Variants in CTNNA2 observed in about 807,000 individuals in gnomAD.
CTNNA2 encodes catenin alpha-2.
A neutral mutation model predicts 101.0 loss-of-function variants in CTNNA2; 42 were observed. The observed-to-expected ratio is 0.42, with a 90% CI of 0.32 to 0.54. The LOEUF is 0.54. Among genes scored for constraint, CTNNA2 ranks in the 20% least tolerant of loss-of-function variants. The pLI, the probability that CTNNA2 is intolerant of heterozygous loss-of-function variation, is 0.14. For missense variants in CTNNA2, 871 were observed against 1,223.1 expected, an observed-to-expected ratio of 0.71 and a Z score of 4.29; for synonymous variants, 450 against 456.4, an observed-to-expected ratio of 0.99 and a Z score of 0.18.
chr2:79,861,291 AT>A (rs1681604752), intron 4 of CTNNA2, among the ~76,000 whole-genome samples: 2 of 152,168 alleles, frequency 1.3e-5, no homozygotes, highest in Middle Eastern at 3.2e-3. Context: ...TCAAAATTTT[AT>A]TTGTGTTCTT....
intron 4 of CTNNA2, among the ~76,000 whole-genome samples, chr2:79,422,001 A>C (rs1321891717): frequency 2.0e-5 from 3 of 152,100 alleles, no homozygotes; most frequent in Non-Finnish European, 4.4e-5. Flanking sequence ...AAAAATACAA[A>C]AATTAGCCAG....
At chr2:79,887,706 T>G (rs1683988068) in intron 6 of CTNNA2, among the ~76,000 whole-genome samples, 1 of 152,178 alleles carries the variant, frequency 6.6e-6, no homozygotes, top group African/African-American at 2.4e-5. Context: ...TTTTGATACT[T>G]TTTTGAAAAG....
At chr2:80,539,765 T>C (rs1178986531) in intron 9 of CTNNA2, among the ~76,000 whole-genome samples, 1 of 152,196 alleles carries the variant, frequency 6.6e-6, no homozygotes, top group Non-Finnish European at 1.5e-5. Flanking sequence ...AGGTATTTAG[T>C]ACAATTAGAT....
At chr2:80,537,138 A>C (rs2149608032) in intron 9 of CTNNA2, among the ~76,000 whole-genome samples, 1 of 151,588 alleles carries the variant, frequency 6.6e-6, no homozygotes, top group East Asian at 2.0e-4. Context: ...ATGTGTTGTC[A>C]TTGTTCAACT....
Position 79,939,283 on chromosome 2 carries a change from A to G in CTNNA2, c.1056+29486A>G, listed in dbSNP as rs140117979. On this transcript the variant is annotated intron_variant, in intron 7 of 18. Coordinates refer to ENST00000402739, the MANE Select transcript of CTNNA2 (RefSeq NM_001282597.3). Reference sequence around the variant, plus strand: ...AAGTAGCTTGTAGCATCTGACTCCAAATTGAGACTTGTGACTTTTTAGACT... The same window carrying G: ...AAGTAGCTTGTAGCATCTGACTCCAGATTGAGACTTGTGACTTTTTAGACT... 9.9e-5 allele frequency among the ~76,000 whole-genome samples: 15 copies of G among 152,266 alleles called. No homozygotes were observed. In the East Asian group the frequency reaches 2.9e-3, roughly 29 times the overall value.
chr2:80,312,618 C>T (rs375035750), intron 7 of CTNNA2, among the ~76,000 whole-genome samples: 4 of 152,204 alleles, frequency 2.6e-5, no homozygotes, highest in South Asian at 4.1e-4. Flanking sequence ...AACCTACTGA[C>T]GTACTGATTT....
chr2:80,490,893 A>G (rs545722237), intron 9 of CTNNA2, among the ~76,000 whole-genome samples: 6 of 152,274 alleles, frequency 3.9e-5, no homozygotes, highest in African/African-American at 7.2e-5. Context: ...TGCAGATGCC[A>G]TCTTTTCGTA....
In CTNNA2 at chr2:79,335,977, C is replaced by T. The variant is rs893059965; in HGVS notation, c.-318+23181C>T. On this transcript the variant is annotated intron_variant, in intron 3 of 21. Transcript: ENST00000466387. ...AAACAATGAACGAGAAAGTCAGTCA[C>T]GTTAGGGAGAGATCAAGTAAGAAAT... 5.9e-5 allele frequency among the ~76,000 whole-genome samples: 9 copies of T among 152,082 alleles called. 1 individual carries two copies. The highest frequency in any genetic ancestry group is 1.7e-4 in the African/African-American group (7 of 41,400).
intron 14 of CTNNA2, among the ~76,000 whole-genome samples, chr2:80,586,920 G>A (rs1696024570): frequency 6.6e-6 from 1 of 152,100 alleles, no homozygotes; most frequent in Admixed American, 6.5e-5. Context: ...AGTCAAATCA[G>A]ACACCATAGG....
chr2:79,345,301 T>A (rs1677237559), intron 3 of CTNNA2, among the ~76,000 whole-genome samples: 1 of 152,182 alleles, frequency 6.6e-6, no homozygotes, highest in African/African-American at 2.4e-5. Context: ...CATATGTTTA[T>A]ATAGCATTAC....
In CTNNA2 at chr2:79,926,942, G is replaced by T. The variant is rs192721844; in HGVS notation, c.1056+17145G>T. Among the ~76,000 whole-genome samples the T allele has an allele frequency of 1.1e-4, 16 of 152,160 alleles. 1 individual carries two copies. The highest frequency in any genetic ancestry group is 1.0e-3 in the Admixed American group (16 of 15,254). On this transcript the variant is annotated intron_variant, in intron 7 of 18. Coordinates refer to ENST00000402739, the MANE Select transcript of CTNNA2 (RefSeq NM_001282597.3). Reference sequence around the variant, plus strand: ...AGTTAGGTTTTCAGAGAGAGAGCTGGGTTGAGATACTGAATTATTCATGAC... The same window carrying T: ...AGTTAGGTTTTCAGAGAGAGAGCTGTGTTGAGATACTGAATTATTCATGAC...
At chr2:80,037,179 G>A (rs1695721589) in intron 7 of CTNNA2, among the ~76,000 whole-genome samples, 1 of 152,144 alleles carries the variant, frequency 6.6e-6, no homozygotes, top group Non-Finnish European at 1.5e-5. Flanking sequence ...GAAGGGGTGA[G>A]GGAATATGGG....
chr2:79,815,031 G>T (rs1267423388), intron 3 of CTNNA2, among the ~76,000 whole-genome samples: 3 of 152,170 alleles, frequency 2.0e-5, no homozygotes, highest in Non-Finnish European at 2.9e-5. Context: ...TATTGGTGAT[G>T]TTGAGCATTT....
At chr2:79,333,328 G>A (rs1030651057) in intron 3 of CTNNA2, among the ~76,000 whole-genome samples, 3 of 152,082 alleles carry the variant, frequency 2.0e-5, no homozygotes, top group East Asian at 1.9e-4. Context: ...AATATTCATC[G>A]TGTTCCAGGC....
chr2:79,652,123 C>G (rs546507867), intron 2 of CTNNA2, among the ~76,000 whole-genome samples: 53 of 152,176 alleles, frequency 3.5e-4, no homozygotes, highest in South Asian at 6.2e-4. Context: ...CACATTTCCA[C>G]AAGATAACGG....
intron 3 of CTNNA2, among the ~76,000 whole-genome samples, chr2:79,840,662 C>G (rs1410380598): frequency 6.6e-6 from 1 of 152,016 alleles, no homozygotes; most frequent in African/African-American, 2.4e-5. Context: ...TGGCTGGGTA[C>G]AGTAGCTCAC....
At chr2:79,747,930 G>C (rs1361009643) in intron 3 of CTNNA2, among the ~76,000 whole-genome samples, 1 of 152,150 alleles carries the variant, frequency 6.6e-6, no homozygotes, top group Non-Finnish European at 1.5e-5. Context: ...CATTACTATA[G>C]TATGCAAAAT....
intron 7 of CTNNA2, among the ~76,000 whole-genome samples, chr2:79,934,708 A>T (rs1687665103): frequency 6.6e-6 from 1 of 152,234 alleles, no homozygotes; most frequent in African/African-American, 2.4e-5. Context: ...CAGATGTGAT[A>T]TACAGAGGGG....
At chr2:80,055,476 G>T (rs897025706) in intron 7 of CTNNA2, among the ~76,000 whole-genome samples, 3 of 152,142 alleles carry the variant, frequency 2.0e-5, no homozygotes, top group Non-Finnish European at 4.4e-5. Flanking sequence ...GCCGAATCTT[G>T]ACTGAAACCA....
Sources: allele counts gnomAD v4.1 joint callset (sites outside exome capture counted in the v4.1 genomes callset), GRCh38; gene constraint gnomAD v4.1.1; transcripts MANE v1.5; gene names NCBI Gene and HGNC (gene_info 2026-07-23, HGNC 2026-07-21).